CLYBL: variants seen among roughly 807,000 people sequenced by gnomAD.
The protein encoded by CLYBL is citramalyl-CoA lyase, mitochondrial.
CLYBL carries 31 observed loss-of-function variants against 38.9 expected under a neutral mutation model. The observed-to-expected ratio is 0.80, with a 90% CI of 0.60 to 1.08. The LOEUF (loss-of-function observed/expected upper bound fraction) is 1.08. Among genes scored for constraint, CLYBL ranks in the 50% least tolerant of loss-of-function variants. The probability of loss-of-function intolerance (pLI) is 0.00; values close to 1 mark genes in which losing one functional copy is unlikely to be tolerated. For synonymous variants in CLYBL, 171 were observed against 158.6 expected, an observed-to-expected ratio of 1.08 and a Z score of -0.59; for missense variants, 434 against 411.6, an observed-to-expected ratio of 1.05 and a Z score of -0.47.
chr13:99,889,235 C>T lies in CLYBL; in HGVS notation c.928-2083C>T, dbSNP rs1205134467. 4.6e-5 allele frequency among the ~76,000 whole-genome samples: 7 copies of T among 152,208 alleles called. No homozygotes were observed. The South Asian group carries it at 8.3e-4, about 18-fold the overall frequency. On this transcript the variant is annotated intron_variant, in intron 7 of 8. Coordinates refer to ENST00000339105, the MANE Select transcript of CLYBL (RefSeq NM_206808.5). ...ATTTCCTGTGCATCTATGCTAATTT[C>T]GTCTCCCCAGCCTATTGTTTAAACC... is the stretch of plus-strand genomic sequence containing the variant.
At chr13:99,838,860 C>G (rs2051000238) in intron 2 of CLYBL, among the ~76,000 whole-genome samples, 1 of 152,166 alleles carries the variant, frequency 6.6e-6, no homozygotes, top group Non-Finnish European at 1.5e-5. Context: ...AGTATGGTCT[C>G]AATCTCCTGA....
At chr13:99,632,111 C>G (rs1490276568) in intron 1 of CLYBL, among the ~76,000 whole-genome samples, 1 of 152,156 alleles carries the variant, frequency 6.6e-6, no homozygotes, top group Non-Finnish European at 1.5e-5. Flanking sequence ...GAGGTAGAAA[C>G]TGGCAGAGCT....
In CLYBL at chr13:99,635,035, T is replaced by G. The variant is rs1222297047; in HGVS notation, c.62+28278T>G. ...TTCCCACACACTGTCTGGCTTAATC[T>G]TACTCCAAGGCAGGCAGCTGCAGAG... On this transcript the variant is annotated intron_variant, in intron 1 of 8. Coordinates refer to ENST00000339105, the MANE Select transcript of CLYBL (RefSeq NM_206808.5). 8.5e-5 allele frequency among the ~76,000 whole-genome samples: 13 copies of G among 152,218 alleles called. No individual in the cohort carries two copies. The South Asian group carries it at 2.7e-3, about 32-fold the overall frequency.
At chr13:99,611,337 A>C (rs1223594866) in intron 1 of CLYBL, among the ~76,000 whole-genome samples, 1 of 152,224 alleles carries the variant, frequency 6.6e-6, no homozygotes, top group Non-Finnish European at 1.5e-5. Flanking sequence ...TGCTGAAGTC[A>C]GCCTGCATAG....
rs751840201 is a variant in CLYBL, at chr13:99,669,239, T to A, written c.62+62482T>A. Among the ~76,000 whole-genome samples the A allele has an allele frequency of 5.3e-4, 80 of 152,144 alleles. No individual in the cohort carries two copies. The Middle Eastern group carries it at 0.01, about 19-fold the overall frequency. On this transcript the variant is annotated intron_variant, in intron 1 of 8. Transcript: ENST00000339105. ...GGATGCTCTCGAGCTCTCAACCTCA[T>A]GATCTGCCCGCCTCAGCCTCCTAAA...
At chr13:99,742,451 G>T (rs2048772933) in intron 1 of CLYBL, among the ~76,000 whole-genome samples, 1 of 152,178 alleles carries the variant, frequency 6.6e-6, no homozygotes, top group South Asian at 2.1e-4. Flanking sequence ...CAAAACCAGA[G>T]ACTTATGCCT....
chr13:99,617,595 T>C (rs1270056969), intron 1 of CLYBL, among the ~76,000 whole-genome samples: 2 of 152,002 alleles, frequency 1.3e-5, no homozygotes, highest in Admixed American at 6.6e-5. Context: ...CAATGGGAGA[T>C]GCACGCAGTC....
At chr13:99,898,401 G>C (rs1308269501), downstream of CLYBL, among the ~76,000 whole-genome samples, 1 of 152,216 alleles carries the variant, frequency 6.6e-6, no homozygotes, top group Non-Finnish European at 1.5e-5. Flanking sequence ...AAGGAAGAAC[G>C]TAAAAACCAA....
intron 1 of CLYBL, among the ~76,000 whole-genome samples, chr13:99,724,259 G>A (rs2048435760): frequency 6.6e-6 from 1 of 152,162 alleles, no homozygotes; most frequent in Non-Finnish European, 1.5e-5. Flanking sequence ...TGGTTTCTAA[G>A]AAGTCAATAA....
intron 1 of CLYBL, among the ~76,000 whole-genome samples, chr13:99,669,229 C>G (rs780251849): frequency 1.3e-5 from 2 of 152,082 alleles, no homozygotes; most frequent in Non-Finnish European, 2.9e-5. Context: ...CTCTCGAGCT[C>G]TCAACCTCAT....
intron 1 of CLYBL, among the ~76,000 whole-genome samples, chr13:99,713,708 G>C (rs189803132): frequency 6.6e-6 from 1 of 151,920 alleles, no homozygotes; most frequent in African/African-American, 2.4e-5. Context: ...GATTGAGAAA[G>C]GGTCTTGCTC....
chr13:99,762,356 T>C (rs540552542), intron 1 of CLYBL, among the ~76,000 whole-genome samples: 1 of 152,342 alleles, frequency 6.6e-6, no homozygotes, highest in African/African-American at 2.4e-5. Context: ...TGGTGAGAGA[T>C]AGGGGTCTAG....
intron 1 of CLYBL, among the ~76,000 whole-genome samples, chr13:99,644,308 C>G (rs2047144890): frequency 6.6e-6 from 1 of 151,960 alleles, no homozygotes; most frequent in African/African-American, 2.4e-5. Context: ...TATAAATACA[C>G]TTCTTCCTGT....
At chr13:99,759,968 A>T (rs1029340209) in intron 1 of CLYBL, among the ~76,000 whole-genome samples, 9 of 152,214 alleles carry the variant, frequency 5.9e-5, no homozygotes, top group African/African-American at 1.4e-4. Flanking sequence ...TAAGTCAATT[A>T]TAAAAGGAGA....
At chr13:99,695,665 A>G (rs947893875) in intron 1 of CLYBL, among the ~76,000 whole-genome samples, 5 of 152,050 alleles carry the variant, frequency 3.3e-5, no homozygotes, top group Non-Finnish European at 7.4e-5. Context: ...GATTGCAGGT[A>G]CGCACCACCA....
intron 1 of CLYBL, among the ~76,000 whole-genome samples, chr13:99,744,027 C>A (rs2048805297): frequency 7.7e-6 from 1 of 129,178 alleles, no homozygotes; most frequent in African/African-American, 3.1e-5. Flanking sequence ...GGCTGGAATG[C>A]GGTGGCGCGA....
chr13:99,637,320 T>C (rs571663203), intron 1 of CLYBL, among the ~76,000 whole-genome samples: 1 of 152,312 alleles, frequency 6.6e-6, no homozygotes, highest in African/African-American at 2.4e-5. Flanking sequence ...AAATTCTCCA[T>C]GAAAACCCAT....
At chr13:99,688,847 G>A (rs2047857557) in intron 1 of CLYBL, among the ~76,000 whole-genome samples, 1 of 152,146 alleles carries the variant, frequency 6.6e-6, no homozygotes, top group South Asian at 2.1e-4. Context: ...ACATTGAAGT[G>A]CTAAGCTACA....
chr13:99,830,328 T>G (rs1450810363), intron 2 of CLYBL, among the ~76,000 whole-genome samples: 2 of 152,190 alleles, frequency 1.3e-5, no homozygotes, highest in Admixed American at 6.5e-5. Context: ...TTTAGATCAG[T>G]GCCCTCCTGG....
Sources: allele counts gnomAD v4.1 joint callset (sites outside exome capture counted in the v4.1 genomes callset), GRCh38; gene constraint gnomAD v4.1.1; transcripts MANE v1.5; gene names NCBI Gene and HGNC (gene_info 2026-07-23, HGNC 2026-07-21).